GSR: variants seen among roughly 807,000 people sequenced by gnomAD.
The protein encoded by GSR is glutathione reductase, mitochondrial.
A neutral mutation model predicts 56.5 loss-of-function variants in GSR; 48 were observed. The observed-to-expected ratio is 0.85, with a 90% CI of 0.67 to 1.08. GSR has a LOEUF of 1.08. GSR is among the 50% of genes least tolerant of loss of function. The pLI is 0.00. For synonymous variants in GSR, 264 were observed against 270.8 expected, an observed-to-expected ratio of 0.97 and a Z score of 0.25; for missense variants, 694 against 703.3, an observed-to-expected ratio of 0.99 and a Z score of 0.15.
chr8:30,689,091 TG>T, intron 9 of GSR, 69 bp downstream of exon 9: 5 of 1,424,290 alleles, frequency 3.5e-6, no homozygotes, highest in Non-Finnish European at 4.0e-6. Context: ...TTTGGGTGTC[TG>T]GGGGGAAAAT....
chr8:30,689,835 CAT>C (rs1397464887), intron 8 of GSR, among the ~76,000 whole-genome samples: 9 of 135,498 alleles, frequency 6.6e-5, no homozygotes, highest in South Asian at 2.3e-4. Flanking sequence ...GTAAAATAAA[CAT>C]ATGCATATTA....
chr8:30,688,578 CAAAAAAA>C (rs57690198), intron 9 of GSR, among the ~76,000 whole-genome samples: 14 of 81,544 alleles, frequency 1.7e-4, no homozygotes, highest in Non-Finnish European at 2.9e-4. Context: ...GACCCTGTCT[CAAAAAAA>C]AAAAAAAAAA....
At chr8:30,707,288 C>G (rs1195312788) in intron 4 of GSR, among the ~76,000 whole-genome samples, 1 of 152,200 alleles carries the variant, frequency 6.6e-6, no homozygotes, top group African/African-American at 2.4e-5. Context: ...TAGGTGAGGC[C>G]TGGTCTGCCA....
Position 30,693,026 on chromosome 8 carries a change from G to A in GSR, c.825C>T (p.Ser275=), listed in dbSNP as rs371568273. 8.1e-6 allele frequency: 13 copies of A among 1,611,894 alleles called. No individual in the cohort carries two copies. The African/African-American group carries it at 1.7e-4, about 21-fold the overall frequency. ...TCTCCAGCTCCTCCGTGCAGTTGGT[G>A]CTGATCATTGAATCAAAACTTCTAA... ...KVLRSFDSMI[S]TNCTEELENA... is the part of the protein sequence containing the mutation. The change falls in exon 8 of 13, where the codon AGC becomes AGT. Residue 275 remains serine, a synonymous_variant. Transcript: ENST00000221130.
intron 10 of GSR, 32 bp downstream of exon 10, chr8:30,684,056 C>T: frequency 9.2e-7 from 1 of 1,089,000 alleles, no homozygotes; most frequent in East Asian, 2.4e-5. Flanking sequence ...AACACGCAGA[C>T]CCTCCCTCAC....
At chr8:30,707,781 C>A (rs532038864) in intron 4 of GSR, among the ~76,000 whole-genome samples, 1 of 151,990 alleles carries the variant, frequency 6.6e-6, no homozygotes, top group Admixed American at 6.6e-5. Flanking sequence ...ATGGTGAAAC[C>A]CTGTTTCTAC....
At chr8:30,703,605 T>C (rs964400215) in intron 4 of GSR, among the ~76,000 whole-genome samples, 67 of 151,620 alleles carry the variant, frequency 4.4e-4, no homozygotes, top group African/African-American at 1.5e-3. Context: ...AAATTAGCCA[T>C]GCATGGTGCT....
intron 8 of GSR, among the ~76,000 whole-genome samples, chr8:30,690,781 T>C (rs1433231658): frequency 6.6e-6 from 1 of 152,194 alleles, no homozygotes; most frequent in African/African-American, 2.4e-5. Context: ...AATTAGATTC[T>C]AGGCTGGACA....
chr8:30,711,012 C>G lies in GSR; in HGVS notation c.333+1050G>C, dbSNP rs535959717. On this transcript the variant is annotated intron_variant, in intron 2 of 12. Coordinates refer to ENST00000221130, the MANE Select transcript of GSR (RefSeq NM_000637.5). ...CATAATTGCATGGCTCCAAGTAGAA[C>G]AGATTACAAAAAGTATGACTAATAG... Among the ~76,000 whole-genome samples, 7 of 151,996 alleles carry G rather than the reference C, an allele frequency of 4.6e-5. No homozygotes were observed. The South Asian group carries it at 1.2e-3, about 27-fold the overall frequency.
At chr8:30,720,273 TAC>T (rs1261590790) in intron 1 of GSR, among the ~76,000 whole-genome samples, 1 of 152,162 alleles carries the variant, frequency 6.6e-6, no homozygotes, top group Non-Finnish European at 1.5e-5. Context: ...CAGAATTGCC[TAC>T]AGTTTCCTCC....
intron 1 of GSR, among the ~76,000 whole-genome samples, chr8:30,719,895 C>A (rs1406093998): frequency 1.3e-5 from 2 of 152,164 alleles, no homozygotes; most frequent in African/African-American, 2.4e-5. Flanking sequence ...ATTGCGCCTG[C>A]CAAGAACATC....
At chr8:30,695,032 C>A (rs1803499928) in intron 7 of GSR, among the ~76,000 whole-genome samples, 1 of 151,546 alleles carries the variant, frequency 6.6e-6, no homozygotes, top group Non-Finnish European at 1.5e-5. Flanking sequence ...CACTGTACTG[C>A]AGACTGGGTA....
chr8:30,690,713 G>A (rs1164693659), intron 8 of GSR, among the ~76,000 whole-genome samples: 1 of 152,164 alleles, frequency 6.6e-6, no homozygotes, highest in Non-Finnish European at 1.5e-5. Context: ...GTGATTGCTT[G>A]AGGAATAAAG....
chr8:30,679,706 C>CA, intron 12 of GSR, 37 bp from the exon 13 acceptor site: 1 of 1,305,944 alleles, frequency 7.7e-7, no homozygotes, highest in African/African-American at 1.6e-5. Context: ...TTTCTTTCTT[C>CA]TTTTTTTTTT....
rs1414917643 is a variant in GSR, at chr8:30,727,784, G to A, written c.52C>T (p.Arg18Trp). The A allele has an allele frequency of 1.5e-6, 2 of 1,352,750 alleles. No individual in the cohort carries two copies. 83.8% of individuals were successfully genotyped at this position (1,352,750 alleles called of 1,614,324 possible). ...AAGCCTCGGAAGGCGCGCGCCGCCC[G>A]CCGCCAGCTCGGTCCCGCGCCGGCG... is the stretch of plus-strand genomic sequence containing the variant. Reference protein sequence around the residue: ...LSAGAGPSWRRAARAFRGFLL... With the variant: ...LSAGAGPSWRWAARAFRGFLL... Residue 18 changes from arginine (R) to tryptophan (W), a missense_variant, in exon 1 of 13, where the codon CGG (arginine) becomes TGG (tryptophan). Transcript: ENST00000221130.
At chr8:30,709,737 T>C (rs1365284811) in intron 3 of GSR, 77 bp downstream of exon 3, 28 of 823,064 alleles carry the variant, frequency 3.4e-5, no homozygotes, top group Non-Finnish European at 5.1e-5. Context: ...CCTCCATCCC[T>C]AAAAAAGTTT....
intron 6 of GSR, 42 bp downstream of exon 6, chr8:30,700,039 T>C: frequency 6.8e-7 from 1 of 1,460,032 alleles, no homozygotes; most frequent in Non-Finnish European, 9.6e-7. Context: ...CAGGAGACAG[T>C]AAGGAAGAAT....
intron 10 of GSR, 68 bp from the exon 11 acceptor site, chr8:30,682,129 A>G (rs1340623808): frequency 1.5e-6 from 2 of 1,303,186 alleles, no homozygotes; most frequent in East Asian, 4.6e-5. Context: ...TTGTTCCACT[A>G]GCCATTTATC....
intron 9 of GSR, among the ~76,000 whole-genome samples, chr8:30,687,923 G>A (rs1177030182): frequency 2.0e-5 from 3 of 152,108 alleles, no homozygotes; most frequent in Non-Finnish European, 4.4e-5. Flanking sequence ...TGAACCACTT[G>A]AAGCAGAGAA....
Sources: allele counts gnomAD v4.1 joint callset (sites outside exome capture counted in the v4.1 genomes callset), GRCh38; gene constraint gnomAD v4.1.1; transcripts MANE v1.5; gene names NCBI Gene and HGNC (gene_info 2026-07-23, HGNC 2026-07-21).